CNRIP1: variants seen among roughly 807,000 people sequenced by gnomAD.
The protein encoded by CNRIP1 is cannabinoid receptor interacting protein 1, also known as CB1 cannabinoid receptor-interacting protein 1.
A neutral mutation model predicts 15.2 loss-of-function variants in CNRIP1; 10 were observed. The observed-to-expected ratio is 0.66, with a 90% confidence interval of 0.41 to 1.12. The LOEUF (loss-of-function observed/expected upper bound fraction) is 1.12, where lower values mean the gene tolerates loss of function less well. Among genes scored for constraint, CNRIP1 ranks in the 50% most tolerant of loss-of-function variants. The pLI is 0.00. For synonymous variants in CNRIP1, 91 were observed against 83.2 expected, an observed-to-expected ratio of 1.09 and a Z score of -0.51; for missense variants, 211 against 214.7, an observed-to-expected ratio of 0.98 and a Z score of 0.11.
intron 2 of CNRIP1, among the ~76,000 whole-genome samples, chr2:68,314,955 T>C (rs1484158610): frequency 2.0e-5 from 3 of 152,036 alleles, no homozygotes; most frequent in Admixed American, 2.0e-4. Context: ...ACTGTGTATA[T>C]GTCTATATAT....
chr2:68,293,992 T>A lies in CNRIP1; in HGVS notation c.365A>T (p.Gln122Leu), dbSNP rs1309246072. The change falls in exon 3 of 3, where the codon CAA becomes CTA. Residue 122 changes from glutamine (Q) to leucine (L), a missense_variant. By Grantham distance (113) the Gln-to-Leu change is moderately radical (BLOSUM62 -2). Transcript: ENST00000263655. ...CTTGTGGTAATTGTAGAACTTGACT[T>A]GCCACACTGTCTCGAAGGTCCCAAT... ...TDIGTFETVW[Q>L]VKFYNYHKRD... 6.2e-7 allele frequency: 1 copy of A among 1,614,000 alleles called. No homozygotes were observed. Among genetic ancestry groups the A allele is most frequent in the Non-Finnish European group, 8.5e-7 (1 of 1,179,928 alleles).
Position 68,317,272 on chromosome 2 carries a change from T to G in CNRIP1, c.215A>C (p.Glu72Ala), listed in dbSNP as rs1284635696. The change falls in exon 2 of 3, where the codon GAA (glutamate) becomes GCA (alanine). Residue 72 changes from glutamate (E) to alanine (A), a missense_variant. Glu to Ala is a moderately radical substitution (Grantham distance 107). Transcript: ENST00000263655. ...ISIGGVLVPLELKSKEPDGDR... is the reference protein window; with the variant it reads ...ISIGGVLVPLALKSKEPDGDR... ...CCCATCAGGCTCTTTAGACTTCAGT[T>G]CCAGTGGGACAAGCACACCACCAAT... 6.2e-7 allele frequency: 1 copy of G among 1,614,140 alleles called. No homozygotes were observed. The highest frequency in any genetic ancestry group is 1.1e-5 in the South Asian group (1 of 91,080).
Position 68,319,514 on chromosome 2 carries a change from G to T in CNRIP1, c.-114C>A. The T allele has an allele frequency of 1.7e-6, 2 of 1,146,308 alleles. No individual in the cohort carries two copies. The highest frequency in any genetic ancestry group is 1.6e-5 in the African/African-American group (1 of 61,132). The allele number at this position is 1,146,308 out of a possible 1,614,324, so 71.0% of individuals were successfully genotyped here. ...GAAGCGCGGGGAGGGTGAGGGAGGTGGTGGAGCTGAGGCTGCCGCTAGGAA... is the reference window on the plus strand; with the variant it reads ...GAAGCGCGGGGAGGGTGAGGGAGGTTGTGGAGCTGAGGCTGCCGCTAGGAA... On this transcript the variant is annotated 5_prime_UTR_variant, in exon 1 of 3. Transcript: ENST00000263655.
downstream of CNRIP1, among the ~76,000 whole-genome samples, chr2:68,288,402 AC>A (rs1033214806): frequency 6.6e-6 from 1 of 152,072 alleles, no homozygotes; most frequent in African/African-American, 2.4e-5. Context: ...TGGCAAGGAA[AC>A]TGCTTTGGAC....
intron 1 of CNRIP1, among the ~76,000 whole-genome samples, chr2:68,318,053 G>A (rs940267910): frequency 6.6e-6 from 1 of 151,920 alleles, no homozygotes; most frequent in African/African-American, 2.4e-5. Flanking sequence ...TAACTCCGGG[G>A]ATAAGGTTGG....
chr2:68,301,809 G>A (rs997139579), intron 2 of CNRIP1, among the ~76,000 whole-genome samples: 13 of 148,318 alleles, frequency 8.8e-5, no homozygotes, highest in Admixed American at 2.1e-4. Flanking sequence ...GGAGAATGGC[G>A]TGAACCCGGG....
intron 2 of CNRIP1, 64 bp from the exon 3 acceptor site, chr2:68,294,090 A>G: frequency 1.3e-6 from 2 of 1,522,164 alleles, no homozygotes; most frequent in Non-Finnish European, 1.8e-6. Context: ...GATGAGAGCT[A>G]ACATTAGTGA....
chr2:68,316,197 C>T lies in CNRIP1; in HGVS notation c.330+960G>A, dbSNP rs190956050. 1.8e-4 allele frequency: 27 copies of T among 152,236 alleles called. 1 individual carries two copies. In the East Asian group the frequency reaches 3.3e-3, roughly 18 times the overall value. 9.4% of individuals were successfully genotyped at this position (152,236 alleles called of 1,614,324 possible). A position where few individuals can be genotyped will look rare whatever the true frequency, so the allele number is the denominator to read the frequency against. ...TCAAAGTGCATTCCCACACCATCCT[C>T]TTCAGGATCTGGTATGCTTGCTAAG... is the stretch of plus-strand genomic sequence containing the variant. On this transcript the variant is annotated intron_variant, in intron 2 of 2. Transcript: ENST00000263655.
At position 68,317,319 on chromosome 2, in the gene CNRIP1, T is replaced by G. The variant is rs776229610; in HGVS notation, c.180-12A>C. 6.2e-7 allele frequency: 1 copy of G among 1,613,222 alleles called. No individual in the cohort carries two copies. The highest frequency in any genetic ancestry group is 8.5e-7 in the Non-Finnish European group (1 of 1,179,964). On this transcript the variant is annotated splice_polypyrimidine_tract_variant and intron_variant, in intron 1 of 2. Transcript: ENST00000263655. Reference sequence around the variant, plus strand: ...CAATGGAAATATTCCTGCAATAGACTTGAGTTGACCACATACGGTTGAAAT... The same window carrying G: ...CAATGGAAATATTCCTGCAATAGACGTGAGTTGACCACATACGGTTGAAAT...
intron 2 of CNRIP1, among the ~76,000 whole-genome samples, chr2:68,302,075 TATTA>T (rs1671632899): frequency 6.6e-6 from 1 of 152,178 alleles, no homozygotes; most frequent in Admixed American, 6.5e-5. Context: ...GTTGACATTG[TATTA>T]CTTACCAATA....
intron 2 of CNRIP1, among the ~76,000 whole-genome samples, chr2:68,307,907 A>C (rs1671917799): frequency 6.6e-6 from 1 of 152,154 alleles, no homozygotes; most frequent in Non-Finnish European, 1.5e-5. Context: ...AAATGATATC[A>C]TTGGGCCAGG....
chr2:68,305,970 T>G (rs983559784), intron 2 of CNRIP1, among the ~76,000 whole-genome samples: 5 of 150,240 alleles, frequency 3.3e-5, no homozygotes, highest in African/African-American at 1.2e-4. Context: ...CTCTACTAAA[T>G]ATAAAAAGGT....
chr2:68,284,446 T>G, exon 3 of CNRIP1: 10 of 1,535,932 alleles, frequency 6.5e-6, no homozygotes, highest in Non-Finnish European at 8.8e-6. Flanking sequence ...CACATTCATA[T>G]GTAAGAGAGA....
chr2:68,319,109 T>C (rs575847100), intron 1 of CNRIP1, 113 bp downstream of exon 1: 15 of 1,141,972 alleles, frequency 1.3e-5, no homozygotes, highest in Non-Finnish European at 1.6e-5. Flanking sequence ...CCGGGCCCGC[T>C]GGGAGCGGCG....
rs576652306 is a variant in CNRIP1, at chr2:68,308,235, C to A, written c.330+8922G>T. Among the ~76,000 whole-genome samples, 17 of 147,250 alleles carry A rather than the reference C, an allele frequency of 1.2e-4. 1 individual carries two copies. The East Asian group carries it at 2.3e-3, about 20-fold the overall frequency. The stretch of plus-strand genomic sequence containing the variant: ...CAAAACAAAACAAAACAAAAAAAAC[C>A]CCCGATGTCATTGGGAATTACTTTT... On this transcript the variant is annotated intron_variant, in intron 2 of 2. Transcript: ENST00000263655.
chr2:68,293,756 G>C lies in CNRIP1; in HGVS notation c.*106C>G. 6.6e-7 allele frequency: 1 copy of C among 1,515,814 alleles called. No individual in the cohort carries two copies. Among genetic ancestry groups the C allele is most frequent in the South Asian group, 1.3e-5 (1 of 76,070 alleles). 93.9% of individuals were successfully genotyped at this position (1,515,814 alleles called of 1,614,324 possible). A position where few individuals can be genotyped will look rare whatever the true frequency, so the allele number is the denominator to read the frequency against. On this transcript the variant is annotated 3_prime_UTR_variant, in exon 3 of 3. Coordinates refer to ENST00000263655, the MANE Select transcript of CNRIP1 (RefSeq NM_015463.3). The stretch of plus-strand genomic sequence containing the variant: ...CAGGGCTAGTAGGTCATTAGTACCA[G>C]ATGGGGAACAGCAATGGTGTGGCAT...
downstream of CNRIP1, among the ~76,000 whole-genome samples, chr2:68,290,743 G>A (rs1671148665): frequency 6.6e-6 from 1 of 152,202 alleles, no homozygotes; most frequent in Non-Finnish European, 1.5e-5. Context: ...GGTGACATCT[G>A]TGACAGGGAT....
At chr2:68,312,781 GATTTT>G in intron 2 of CNRIP1, among the ~76,000 whole-genome samples, 1 of 152,038 alleles carries the variant, frequency 6.6e-6, no homozygotes, top group East Asian at 1.9e-4. Context: ...AAAAAAAATC[GATTTT>G]ATTTCCATAT....
rs1294407184 is a variant in CNRIP1, at chr2:68,308,565, ATT to A, written c.330+8590_330+8591del. ...TTTTATAATTTAACTTTCCCACCTT[ATT>A]TAACCTTAATTTATATATTTATACC... On this transcript the variant is annotated intron_variant, in intron 2 of 2. Coordinates refer to ENST00000263655, the MANE Select transcript of CNRIP1 (RefSeq NM_015463.3). 3.3e-5 allele frequency among the ~76,000 whole-genome samples: 5 copies of A among 152,122 alleles called. No homozygotes were observed. The South Asian group carries it at 1.0e-3, about 32-fold the overall frequency.
Sources: allele counts gnomAD v4.1 joint callset (sites outside exome capture counted in the v4.1 genomes callset), GRCh38; gene constraint gnomAD v4.1.1; transcripts MANE v1.5; gene names NCBI Gene and HGNC (gene_info 2026-07-23, HGNC 2026-07-21).